Variants in DPYD observed in about 807,000 individuals in gnomAD.
DPYD encodes the protein dihydropyrimidine dehydrogenase.
In DPYD, 109 loss-of-function variants were observed where a neutral mutation model predicts 116.2. The ratio of observed to expected loss-of-function variants is 0.94; its 90% CI spans 0.80 to 1.10. The LOEUF is 1.10. Ranked by LOEUF, DPYD falls within the 50% of genes least tolerant of loss-of-function variation. The probability of loss-of-function intolerance (pLI) is 0.00; values close to 1 mark genes in which losing one functional copy is unlikely to be tolerated. For synonymous variants in DPYD, 440 were observed against 432.0 expected (o/e 1.02, Z -0.23); for missense variants, 1,302 against 1,254.5 (o/e 1.04, Z -0.57).
At chr1:97,175,194 A>T (rs1657157695) in intron 20 of DPYD, among the ~76,000 whole-genome samples, 1 of 149,578 alleles carries the variant, frequency 6.7e-6, no homozygotes, top group Non-Finnish European at 1.5e-5. Flanking sequence ...ATCTTTGCCA[A>T]CATTTATGTT....
intron 3 of DPYD, among the ~76,000 whole-genome samples, chr1:97,816,144 A>C (rs1668594024): frequency 6.6e-6 from 1 of 151,880 alleles, no homozygotes; most frequent in African/African-American, 2.4e-5. Flanking sequence ...TGGACACTGT[A>C]CACTATAGCC....
intron 13 of DPYD, among the ~76,000 whole-genome samples, chr1:97,451,390 A>C (rs1557721248): frequency 6.6e-6 from 1 of 152,180 alleles, no homozygotes; most frequent in Non-Finnish European, 1.5e-5. Context: ...TTGCATGTTA[A>C]TTTCTGGTAA....
At chr1:97,328,534 A>G (rs1286396249) in intron 16 of DPYD, among the ~76,000 whole-genome samples, 6 of 152,146 alleles carry the variant, frequency 3.9e-5, no homozygotes, top group Non-Finnish European at 8.8e-5. Flanking sequence ...TTACTCATTT[A>G]CTTTTCCTTC....
intron 3 of DPYD, among the ~76,000 whole-genome samples, chr1:97,745,790 T>C (rs1664515529): frequency 6.6e-6 from 1 of 152,014 alleles, no homozygotes; most frequent in Admixed American, 6.6e-5. Context: ...AGGAAATAAC[T>C]AAAACACATT....
At chr1:97,467,377 T>A (rs1362228730) in intron 13 of DPYD, among the ~76,000 whole-genome samples, 1 of 152,212 alleles carries the variant, frequency 6.6e-6, no homozygotes, top group Non-Finnish European at 1.5e-5. Context: ...TCAGAAAACA[T>A]CTGAATCTAC....
At chr1:97,238,794 T>C (rs554745089) in intron 18 of DPYD, among the ~76,000 whole-genome samples, 5 of 152,224 alleles carry the variant, frequency 3.3e-5, no homozygotes, top group South Asian at 2.1e-4. Flanking sequence ...AATCAAGAAA[T>C]TGAAATCCTA....
chr1:97,523,258 T>A (rs1648819748), intron 12 of DPYD, among the ~76,000 whole-genome samples: 1 of 152,210 alleles, frequency 6.6e-6, no homozygotes, highest in Admixed American at 6.5e-5. Flanking sequence ...ACCTTTCCTT[T>A]TTAGAAGTCC....
intron 5 of DPYD, among the ~76,000 whole-genome samples, chr1:97,715,065 A>T (rs1571236488): frequency 6.6e-6 from 1 of 152,262 alleles, no homozygotes; most frequent in Non-Finnish European, 1.5e-5. Flanking sequence ...CTCTAAATAA[A>T]GTACTCAACA....
intron 19 of DPYD, among the ~76,000 whole-genome samples, chr1:97,219,168 C>G (rs141704335): frequency 1.3e-5 from 2 of 152,142 alleles, no homozygotes; most frequent in East Asian, 3.9e-4. Flanking sequence ...AGAATTGGGA[C>G]AGTACACACA....
At chr1:97,763,903 A>T (rs546154033) in intron 3 of DPYD, among the ~76,000 whole-genome samples, 1 of 152,226 alleles carries the variant, frequency 6.6e-6, no homozygotes, top group Non-Finnish European at 1.5e-5. Flanking sequence ...TTGTGTGTGA[A>T]AACATCCTCA....
intron 2 of DPYD, among the ~76,000 whole-genome samples, chr1:97,840,196 GACA>G (rs1669968741): frequency 6.6e-6 from 1 of 151,830 alleles, no homozygotes; most frequent in Admixed American, 6.6e-5. Flanking sequence ...TAAATCAGGA[GACA>G]ACAATAAAGT....
At chr1:97,859,154 A>G (rs944913735) in intron 2 of DPYD, among the ~76,000 whole-genome samples, 1 of 152,108 alleles carries the variant, frequency 6.6e-6, no homozygotes, top group Non-Finnish European at 1.5e-5. Context: ...CTGTTTGCCT[A>G]TTACACAAAT....
intron 11 of DPYD, among the ~76,000 whole-genome samples, chr1:97,552,004 A>G (rs1185716354): frequency 6.6e-6 from 1 of 151,698 alleles, no homozygotes; most frequent in Admixed American, 6.6e-5. Context: ...ATAATACACT[A>G]TTTTCTATAA....
intron 14 of DPYD, among the ~76,000 whole-genome samples, chr1:97,442,466 T>G (rs1280471087): frequency 6.6e-6 from 1 of 151,522 alleles, no homozygotes; most frequent in Non-Finnish European, 1.5e-5. Context: ...TGAGCCATAT[T>G]ACATATTCTG....
intron 1 of DPYD, among the ~76,000 whole-genome samples, chr1:97,895,901 A>AT (rs67840963): frequency 4.0e-5 from 6 of 151,842 alleles, no homozygotes; most frequent in East Asian, 1.9e-4. Flanking sequence ...AGATATCCCA[A>AT]TTTTTTTACC....
At chr1:97,234,738 A>G in intron 19 of DPYD, 114 bp downstream of exon 19, 1 of 1,302,540 alleles carries the variant, frequency 7.7e-7, no homozygotes, top group South Asian at 1.3e-5. Context: ...TTGATCCCAA[A>G]TGGCCTCCTT....
chr1:97,399,140 G>T (rs1042492529), intron 14 of DPYD, among the ~76,000 whole-genome samples: 2 of 151,488 alleles, frequency 1.3e-5, no homozygotes, highest in African/African-American at 2.4e-5. Context: ...GTAAGGAAGG[G>T]GTCCAGTTTC....
intron 19 of DPYD, among the ~76,000 whole-genome samples, chr1:97,228,599 C>T (rs1435860475): frequency 4.6e-5 from 7 of 152,104 alleles, no homozygotes; most frequent in African/African-American, 1.7e-4. Context: ...ATTACTATTT[C>T]TACACCCATT....
chr1:97,343,056 C>T (rs1669661950), intron 16 of DPYD, among the ~76,000 whole-genome samples: 1 of 151,950 alleles, frequency 6.6e-6, no homozygotes, highest in Admixed American at 6.6e-5. Context: ...TTAAAAAATA[C>T]TGTGAATCAG....
Sources: allele counts gnomAD v4.1 joint callset (sites outside exome capture counted in the v4.1 genomes callset), GRCh38; gene constraint gnomAD v4.1.1; transcripts MANE v1.5; gene names NCBI Gene and HGNC (gene_info 2026-07-23, HGNC 2026-07-21).